The following GALNT18 variants were observed in gnomAD, a reference collection of about 807,000 sequenced individuals.
GALNT18 encodes GalNAc-transferase 18.
A neutral mutation model predicts 69.5 loss-of-function variants in GALNT18; 44 were observed. The observed-to-expected ratio is 0.63, with a 90% CI of 0.50 to 0.81. The LOEUF (loss-of-function observed/expected upper bound fraction) is 0.81. GALNT18 is among the 40% of genes least tolerant of loss of function. The pLI, the probability that GALNT18 is intolerant of heterozygous loss-of-function variation, is 0.00. For missense variants in GALNT18, 715 were observed against 810.0 expected, an observed-to-expected ratio of 0.88 and a Z score of 1.42; for synonymous variants, 364 against 318.2, an observed-to-expected ratio of 1.14 and a Z score of -1.53.
chr11:11,592,490 A>G lies in GALNT18; in HGVS notation c.235+28869T>C, dbSNP rs1382913183. ...AAGGGGTTCACTCCCTCAAGTTCCTACCATGGCTCCCTGGCAGAACCATGC... is the reference window on the plus strand; with the variant it reads ...AAGGGGTTCACTCCCTCAAGTTCCTGCCATGGCTCCCTGGCAGAACCATGC... On this transcript the variant is annotated intron_variant, in intron 1 of 10. Coordinates refer to ENST00000227756, the MANE Select transcript of GALNT18 (RefSeq NM_198516.3). The surrounding 1 kb of genome is among the most constrained non-coding windows in gnomAD (Gnocchi z 5.9). Among the ~76,000 whole-genome samples the G allele has an allele frequency of 6.6e-6, 1 of 152,116 alleles. No homozygotes were observed. Among genetic ancestry groups the G allele is most frequent in the Non-Finnish European group, 1.5e-5 (1 of 68,028 alleles).
chr11:11,577,833 G>C (rs561829893), intron 1 of GALNT18, among the ~76,000 whole-genome samples: 3 of 152,278 alleles, frequency 2.0e-5, no homozygotes, highest in African/African-American at 7.2e-5. Context: ...ACAGGGCGTG[G>C]GTGGTTATTG....
chr11:11,434,683 G>T (rs533246229), intron 2 of GALNT18, among the ~76,000 whole-genome samples: 1 of 152,260 alleles, frequency 6.6e-6, no homozygotes, highest in African/African-American at 2.4e-5. Context: ...AACCAGTGCT[G>T]TGGCTGGAGA....
rs759620062 is a variant in GALNT18, at chr11:11,523,325, C to A, written c.236-74389G>T. On this transcript the variant is annotated intron_variant, in intron 1 of 10. Transcript: ENST00000227756. The surrounding 1 kb of genome is among the most constrained non-coding windows in gnomAD (Gnocchi z 4.3). ...ATCTTGTCACTCTCACAGGTGAGGA[C>A]AATGTCACAGGTGAGGAAATGGAGG... is the stretch of plus-strand genomic sequence containing the variant. 2.0e-5 allele frequency among the ~76,000 whole-genome samples: 3 copies of A among 152,110 alleles called. No individual in the cohort carries two copies. The highest frequency in any genetic ancestry group is 4.4e-5 in the Non-Finnish European group (3 of 68,030).
At chr11:11,301,641 A>G (rs4409811) in intron 9 of GALNT18, among the ~76,000 whole-genome samples, 100,080 of 152,042 alleles carry the variant, frequency 0.66, 33,620 homozygotes, top group Admixed American at 0.78. Flanking sequence ...AGCGGGAACA[A>G]GTGAGGCTGA....
At position 11,444,304 on chromosome 11, in the gene GALNT18, G is replaced by C. The variant is rs1590008365; in HGVS notation, c.428+4440C>G. On this transcript the variant is annotated intron_variant, in intron 2 of 10. Transcript: ENST00000227756. The surrounding 1 kb of genome is among the most constrained non-coding windows in gnomAD (Gnocchi z 4.4). The stretch of plus-strand genomic sequence containing the variant: ...GGCACCAGAGGGACAGTGCTTCTGT[G>C]ACCATCACATCCAGGCCACTGCCTT... Among the ~76,000 whole-genome samples, 1 of 152,208 alleles carries C rather than the reference G, an allele frequency of 6.6e-6. No individual in the cohort carries two copies. The highest frequency in any genetic ancestry group is 1.9e-4 in the East Asian group (1 of 5,160).
chr11:11,438,435 G>A (rs1285954589), intron 2 of GALNT18, among the ~76,000 whole-genome samples: 2 of 152,152 alleles, frequency 1.3e-5, no homozygotes, highest in African/African-American at 2.4e-5. Context: ...TCCATTTACT[G>A]TTTACCATAT....
intron 1 of GALNT18, among the ~76,000 whole-genome samples, chr11:11,568,724 T>TA (rs900515616): frequency 6.6e-6 from 1 of 152,142 alleles, no homozygotes; most frequent in Non-Finnish European, 1.5e-5. Flanking sequence ...GTGACCCCCT[T>TA]AAAACCACGG....
intron 1 of GALNT18, among the ~76,000 whole-genome samples, chr11:11,612,403 G>C (rs978897874): frequency 1.3e-5 from 2 of 152,032 alleles, no homozygotes; most frequent in African/African-American, 2.4e-5. Context: ...ATAAATCAAG[G>C]GTTTAGCTAG....
Position 11,543,936 on chromosome 11 carries a change from T to C in GALNT18, c.235+77423A>G, listed in dbSNP as rs1035707915. 6.6e-6 allele frequency among the ~76,000 whole-genome samples: 1 copy of C among 152,192 alleles called. No homozygotes were observed. The highest frequency in any genetic ancestry group is 1.5e-5 in the Non-Finnish European group (1 of 68,032). On this transcript the variant is annotated intron_variant, in intron 1 of 10. Transcript: ENST00000227756. The surrounding 1 kb of genome is among the most constrained non-coding windows in gnomAD (Gnocchi z 5.1). ...CACTCCAGGCCCAAGCCAAGAAACATGAACAATAAAAAGCCAGTCCAGTCC... is the reference window on the plus strand; with the variant it reads ...CACTCCAGGCCCAAGCCAAGAAACACGAACAATAAAAAGCCAGTCCAGTCC...
intron 1 of GALNT18, among the ~76,000 whole-genome samples, chr11:11,524,941 GGA>G (rs764726115): frequency 6.6e-6 from 1 of 152,194 alleles, no homozygotes; most frequent in Non-Finnish European, 1.5e-5. Context: ...CAATAGGAAA[GGA>G]GAGAGAGATT....
chr11:11,458,652 A>C (rs1376957548), intron 1 of GALNT18, among the ~76,000 whole-genome samples: 3 of 152,228 alleles, frequency 2.0e-5, no homozygotes, highest in Non-Finnish European at 1.5e-5. Context: ...GAGCACTGCT[A>C]ATGAGGGCAG....
At chr11:11,419,305 C>T (rs1041163678) in intron 3 of GALNT18, among the ~76,000 whole-genome samples, 3 of 151,954 alleles carry the variant, frequency 2.0e-5, no homozygotes, top group Admixed American at 6.6e-5. Flanking sequence ...TATTAGAAAC[C>T]ATGCAAAGTG....
At chr11:11,450,094 G>A (rs1855758186) in intron 1 of GALNT18, among the ~76,000 whole-genome samples, 1 of 151,530 alleles carries the variant, frequency 6.6e-6, no homozygotes, top group Non-Finnish European at 1.5e-5. Context: ...AAGCCCACTG[G>A]ACAGGGTCGT....
rs1854080590 is a variant in GALNT18 at position 11,387,276 on chromosome 11, A to G, written c.596-8012T>C. ...GCCATCTTTGGGTCTGATGTTTTGG[A>G]CTGTCCCCTGTCATTTCCCAGCTGC... On this transcript the variant is annotated intron_variant, in intron 3 of 10. Coordinates refer to ENST00000227756, the MANE Select transcript of GALNT18 (RefSeq NM_198516.3). The surrounding 1 kb of genome is among the most constrained non-coding windows in gnomAD (Gnocchi z 4.6). 6.6e-6 allele frequency among the ~76,000 whole-genome samples: 1 copy of G among 151,794 alleles called. No homozygotes were observed. The highest frequency in any genetic ancestry group is 1.5e-5 in the Non-Finnish European group (1 of 67,966).
In GALNT18 at chr11:11,573,699, G is replaced by C. The variant is rs1215039541; in HGVS notation, c.235+47660C>G. On this transcript the variant is annotated intron_variant, in intron 1 of 10. Transcript: ENST00000227756. This position sits in a 1 kb window ranked among gnomAD's most constrained non-coding sequence, Gnocchi z 4.6. The stretch of plus-strand genomic sequence containing the variant: ...AGAAAGAATTTCTCTCCAGCCAAAA[G>C]CTTCATGAGATGGAAGGGGATATCC... 1 of 152,136 alleles carries C rather than the reference G, an allele frequency of 6.6e-6. No homozygotes were observed. Among genetic ancestry groups the C allele is most frequent in the Non-Finnish European group, 1.5e-5 (1 of 68,036 alleles). 9.4% of individuals were successfully genotyped at this position (152,136 alleles called of 1,614,324 possible). A position where few individuals can be genotyped will look rare whatever the true frequency, so the allele number is the denominator to read the frequency against.
At position 11,600,920 on chromosome 11, in the gene GALNT18, T is replaced by G. The variant is rs1412048768; in HGVS notation, c.235+20439A>C. Among the ~76,000 whole-genome samples the G allele has an allele frequency of 2.0e-5, 3 of 152,168 alleles. No individual in the cohort carries two copies. Among genetic ancestry groups the G allele is most frequent in the Non-Finnish European group, 4.4e-5 (3 of 68,026 alleles). On this transcript the variant is annotated intron_variant, in intron 1 of 10. Transcript: ENST00000227756. The surrounding 1 kb of genome is among the most constrained non-coding windows in gnomAD (Gnocchi z 4.8). ...TTCTTCTGCCAACTCAAATATATTT[T>G]TAAGTGCCCCAGTGATTTTTTCTTT...
At chr11:11,323,420 G>T (rs1001516296) in intron 9 of GALNT18, among the ~76,000 whole-genome samples, 3 of 152,232 alleles carry the variant, frequency 2.0e-5, no homozygotes, top group Non-Finnish European at 4.4e-5. Context: ...TCCCAAGCAA[G>T]TTCAAAATCT....
chr11:11,407,554 C>T (rs530085974), intron 3 of GALNT18, among the ~76,000 whole-genome samples: 7 of 152,278 alleles, frequency 4.6e-5, no homozygotes, highest in African/African-American at 9.6e-5. Context: ...AACAGCACTG[C>T]GGAGTGTTCT....
intron 1 of GALNT18, among the ~76,000 whole-genome samples, chr11:11,607,565 A>G (rs762314912): frequency 8.5e-5 from 13 of 152,270 alleles, no homozygotes; most frequent in Non-Finnish European, 2.9e-5. Context: ...TATATCATGC[A>G]ACAAAATGCA....
Sources: gnomAD v4.1 joint callset for allele counts (sites outside exome capture counted in the v4.1 genomes callset) on GRCh38, gnomAD v4.1.1 for gene constraint, Gnocchi (gnomAD v3.1) non-coding constraint, MANE v1.5 for transcripts, NCBI Gene and HGNC (gene_info 2026-07-23, HGNC 2026-07-21) for gene names.